DPP10: variants seen among roughly 807,000 people sequenced by gnomAD.
DPP10 encodes the protein inactive dipeptidyl peptidase 10.
In DPP10, 33 loss-of-function variants were observed where a neutral mutation model predicts 120.9. That is an observed-to-expected ratio of 0.27 (90% CI 0.21 to 0.37). The LOEUF (loss-of-function observed/expected upper bound fraction) is 0.37, where lower values mean the gene tolerates loss of function less well. Ranked by LOEUF, DPP10 falls within the 10% of genes least tolerant of loss-of-function variation. DPP10 has a pLI of 1.00. For missense variants in DPP10, 816 were observed against 942.8 expected (o/e 0.87, Z 1.76); for synonymous variants, 337 against 326.1 (o/e 1.03, Z -0.36).
At chr2:115,460,864 A>G (rs2073945550) in intron 3 of DPP10, among the ~76,000 whole-genome samples, 1 of 152,242 alleles carries the variant, frequency 6.6e-6, no homozygotes, top group African/African-American at 2.4e-5. Flanking sequence ...CTATATTGCT[A>G]TGGCAAAGTC....
intron 1 of DPP10, among the ~76,000 whole-genome samples, chr2:115,055,099 A>G (rs1314789561): frequency 6.6e-6 from 1 of 152,126 alleles, no homozygotes; most frequent in Non-Finnish European, 1.5e-5. Context: ...GCCTGAAATA[A>G]ACCATGCTAT....
intron 1 of DPP10, among the ~76,000 whole-genome samples, chr2:115,037,262 T>A (rs879396989): frequency 6.6e-6 from 1 of 152,146 alleles, no homozygotes; most frequent in Non-Finnish European, 1.5e-5. Context: ...TAAAAGATCG[T>A]GAAAGGAGGA....
chr2:115,055,944 T>C (rs574784803), intron 1 of DPP10, among the ~76,000 whole-genome samples: 1 of 152,214 alleles, frequency 6.6e-6, no homozygotes, highest in African/African-American at 2.4e-5. Flanking sequence ...ATGCAGCATG[T>C]AAAACATATA....
intron 1 of DPP10, among the ~76,000 whole-genome samples, chr2:115,022,624 G>A (rs1048438452): frequency 4.0e-5 from 6 of 151,490 alleles, no homozygotes; most frequent in Non-Finnish European, 7.4e-5. Context: ...TACCACCATC[G>A]TTCTCCACAG....
intron 1 of DPP10, among the ~76,000 whole-genome samples, chr2:114,804,021 C>T (rs556426962): frequency 1.9e-4 from 29 of 152,292 alleles, no homozygotes; most frequent in African/African-American, 6.5e-4. Context: ...GGTCCAGGGT[C>T]CCCGCGCTCT....
At chr2:115,700,167 A>G (rs1037768876) in intron 7 of DPP10, among the ~76,000 whole-genome samples, 7 of 152,186 alleles carry the variant, frequency 4.6e-5, no homozygotes, top group African/African-American at 1.7e-4. Context: ...CACAAAAGTG[A>G]TGGTACTAAA....
rs1677727284 is a variant in DPP10, at chr2:114,442,753, T to A, written c.-26T>A. Reference sequence around the variant, plus strand: ...GTTCATTCTGGAACTCCGCCTGGGATTGTGCACTGTCCAGGGTCCTGAAAC... The same window carrying A: ...GTTCATTCTGGAACTCCGCCTGGGAATGTGCACTGTCCAGGGTCCTGAAAC... On this transcript the variant is annotated 5_prime_UTR_variant, in exon 1 of 26. In the 5' UTR this introduces an upstream ATG that the reference lacks. Coordinates refer to ENST00000410059, the MANE Select transcript of DPP10 (RefSeq NM_020868.6). The A allele has an allele frequency of 6.2e-7, 1 of 1,612,740 alleles. No homozygotes were observed. Among genetic ancestry groups the A allele is most frequent in the African/African-American group, 1.3e-5 (1 of 74,848 alleles).
At chr2:114,960,602 C>T (rs1698540886) in intron 1 of DPP10, among the ~76,000 whole-genome samples, 1 of 152,132 alleles carries the variant, frequency 6.6e-6, no homozygotes, top group Non-Finnish European at 1.5e-5. Flanking sequence ...GGTAAAACCT[C>T]ATTATCTAAC....
At chr2:114,759,343 T>C (rs1337126926) in intron 1 of DPP10, among the ~76,000 whole-genome samples, 1 of 152,220 alleles carries the variant, frequency 6.6e-6, no homozygotes, top group Non-Finnish European at 1.5e-5. Flanking sequence ...GTTGGCATCA[T>C]TCATACGAGC....
chr2:115,143,880 T>C (rs2051066052), intron 1 of DPP10, among the ~76,000 whole-genome samples: 1 of 152,138 alleles, frequency 6.6e-6, no homozygotes, highest in Admixed American at 6.6e-5. Context: ...AATCTCGAGA[T>C]TCCTTCTGCC....
intron 5 of DPP10, among the ~76,000 whole-genome samples, chr2:115,561,865 C>T (rs1179468904): frequency 6.6e-6 from 1 of 152,140 alleles, no homozygotes. Context: ...TGCCCCAAAG[C>T]AAAACGAACA....
intron 1 of DPP10, among the ~76,000 whole-genome samples, chr2:114,521,035 A>G (rs1010078973): frequency 6.6e-6 from 1 of 152,232 alleles, no homozygotes; most frequent in Non-Finnish European, 1.5e-5. Flanking sequence ...CACCGTGAGC[A>G]GAAGACCTAA....
At chr2:115,455,116 A>G (rs2073420845) in intron 3 of DPP10, among the ~76,000 whole-genome samples, 1 of 151,760 alleles carries the variant, frequency 6.6e-6, no homozygotes. Flanking sequence ...AAGATTAAAA[A>G]ATCTGTGTTA....
chr2:115,835,379 C>T (rs1216603141), intron 21 of DPP10, among the ~76,000 whole-genome samples: 1 of 152,074 alleles, frequency 6.6e-6, no homozygotes, highest in Non-Finnish European at 1.5e-5. Context: ...ATAGTGAAGT[C>T]GATTTCTTCT....
At chr2:115,781,048 C>T in intron 16 of DPP10, 53 bp downstream of exon 16, 3 of 1,428,622 alleles carry the variant, frequency 2.1e-6, no homozygotes. Flanking sequence ...TGTATTTGGT[C>T]AATATCTGTT....
At chr2:114,749,427 C>A (rs1031631637) in intron 1 of DPP10, among the ~76,000 whole-genome samples, 2 of 152,042 alleles carry the variant, frequency 1.3e-5, no homozygotes, top group Non-Finnish European at 2.9e-5. Flanking sequence ...TTCACCAGCA[C>A]CTTTCTTGCC....
At chr2:115,582,876 C>T (rs2149133931) in intron 5 of DPP10, among the ~76,000 whole-genome samples, 1 of 152,320 alleles carries the variant, frequency 6.6e-6, no homozygotes, top group African/African-American at 2.4e-5. Flanking sequence ...TTTGTCACCA[C>T]ATTGCAGTGG....
chr2:114,467,197 C>T (rs987690808), intron 1 of DPP10, among the ~76,000 whole-genome samples: 3 of 152,068 alleles, frequency 2.0e-5, no homozygotes, highest in Admixed American at 1.3e-4. Flanking sequence ...TGGTAAGGAA[C>T]CCTTTAAGGG....
intron 3 of DPP10, among the ~76,000 whole-genome samples, chr2:115,486,486 A>T (rs528535172): frequency 6.6e-6 from 1 of 152,276 alleles, no homozygotes; most frequent in South Asian, 2.1e-4. Context: ...TCATATAAAC[A>T]CATCAATCTT....
Sources: allele counts gnomAD v4.1 joint callset (sites outside exome capture counted in the v4.1 genomes callset), GRCh38; gene constraint gnomAD v4.1.1; transcripts MANE v1.5; gene names NCBI Gene and HGNC (gene_info 2026-07-23, HGNC 2026-07-21).